The following PIP5K1B variants were observed in gnomAD, a reference collection of about 807,000 sequenced individuals.
PIP5K1B encodes the protein phosphatidylinositol-4-phosphate 5-kinase type 1 beta.
In PIP5K1B, 42 loss-of-function variants were observed where a neutral mutation model predicts 67.0. The ratio of observed to expected loss-of-function variants is 0.63; its 90% CI spans 0.49 to 0.81. PIP5K1B has a LOEUF of 0.81. Ranked by LOEUF, PIP5K1B falls within the 30% of genes least tolerant of loss-of-function variation. The pLI is 0.00. For missense variants in PIP5K1B, 459 were observed against 646.3 expected, an observed-to-expected ratio of 0.71 and a Z score of 3.14; for synonymous variants, 214 against 231.4, an observed-to-expected ratio of 0.92 and a Z score of 0.68.
chr9:68,789,107 T>C, intron 2 of PIP5K1B: 1 of 568,842 alleles, frequency 1.8e-6, no homozygotes, highest in Non-Finnish European at 3.4e-6. Context: ...CATCAATCTC[T>C]TCAATCACAT....
intron 4 of PIP5K1B, among the ~76,000 whole-genome samples, chr9:68,860,593 C>T (rs1036376005): frequency 4.6e-5 from 7 of 152,258 alleles, no homozygotes; most frequent in South Asian, 4.1e-4. Flanking sequence ...AGAGAACTTC[C>T]GACTTTGATT....
At chr9:68,960,312 G>T (rs906005146) in intron 14 of PIP5K1B, among the ~76,000 whole-genome samples, 3 of 152,258 alleles carry the variant, frequency 2.0e-5, no homozygotes, top group Middle Eastern at 6.8e-3. Flanking sequence ...AAAGTTTAAA[G>T]ATGTCTTTTT....
intron 4 of PIP5K1B, among the ~76,000 whole-genome samples, chr9:68,862,001 AAAG>A (rs1167783935): frequency 6.6e-6 from 1 of 152,146 alleles, no homozygotes; most frequent in East Asian, 1.9e-4. Context: ...GCATGTGAAA[AAAG>A]AAAAACACGA....
chr9:68,990,177 T>A (rs889907411), intron 14 of PIP5K1B, among the ~76,000 whole-genome samples: 1 of 152,156 alleles, frequency 6.6e-6, no homozygotes, highest in Non-Finnish European at 1.5e-5. Context: ...AACACAGTGC[T>A]CTGTGTTTAT....
chr9:68,784,051 T>C (rs1261404535), intron 2 of PIP5K1B: 1 of 167,146 alleles, frequency 6.0e-6, no homozygotes, highest in Non-Finnish European at 1.5e-5. Flanking sequence ...CTATTTTAGA[T>C]CCTTTTCCCC....
Position 68,738,934 on chromosome 9 carries a change from A to G in PIP5K1B, c.-242-3567A>G, listed in dbSNP as rs117168389. On this transcript the variant is annotated intron_variant, in intron 1 of 15. Transcript: ENST00000265382. ...TTTTTGGGCTCAGGCCCATGCCTCA[A>G]CATTTCTGGATGAGCCTATACCCTC... 1.0e-2 allele frequency among the ~76,000 whole-genome samples: 1,521 copies of G among 152,244 alleles called. 10 individuals carry two copies. Among genetic ancestry groups the G allele is most frequent in the Non-Finnish European group, 0.015 (1,051 of 68,008 alleles).
chr9:68,956,811 A>G (rs1828421634), intron 14 of PIP5K1B, among the ~76,000 whole-genome samples: 1 of 152,162 alleles, frequency 6.6e-6, no homozygotes, highest in South Asian at 2.1e-4. Flanking sequence ...AGCCACAAAG[A>G]GATGTGCAGA....
At chr9:68,852,923 T>C (rs965051467) in intron 4 of PIP5K1B, among the ~76,000 whole-genome samples, 2 of 150,520 alleles carry the variant, frequency 1.3e-5, no homozygotes, top group Non-Finnish European at 3.0e-5. Context: ...TGTTTTTTTT[T>C]ATAGGACTTG....
intron 1 of PIP5K1B, among the ~76,000 whole-genome samples, chr9:68,731,597 A>G (rs537112389): frequency 6.6e-6 from 1 of 152,324 alleles, no homozygotes. Context: ...CCTTGCTGTC[A>G]GGGAATTTGC....
intron 1 of PIP5K1B, chr9:68,739,965 TGAC>T (rs1410032728): frequency 1.3e-5 from 2 of 152,250 alleles, no homozygotes; most frequent in African/African-American, 4.8e-5. Context: ...ATTGTGGCTG[TGAC>T]CAGGTATAGA....
intron 5 of PIP5K1B, among the ~76,000 whole-genome samples, chr9:68,869,065 CAAACT>C (rs1231976711): frequency 6.6e-6 from 1 of 152,170 alleles, no homozygotes; most frequent in African/African-American, 2.4e-5. Context: ...ACAGGTTTGA[CAAACT>C]AGCCAACTGC....
At chr9:68,886,389 A>G (rs1008711812) in intron 6 of PIP5K1B, among the ~76,000 whole-genome samples, 1 of 152,184 alleles carries the variant, frequency 6.6e-6, no homozygotes, top group Non-Finnish European at 1.5e-5. Flanking sequence ...TTTTTTGGTG[A>G]CATTTACAGC....
intron 3 of PIP5K1B, among the ~76,000 whole-genome samples, chr9:68,821,815 A>G (rs1833744377): frequency 6.6e-6 from 1 of 152,192 alleles, no homozygotes; most frequent in Admixed American, 6.5e-5. Context: ...TGCCTCAACT[A>G]TCCTTCAATA....
At chr9:68,727,661 A>G (rs1165915648) in intron 1 of PIP5K1B, 5 of 152,198 alleles carry the variant, frequency 3.3e-5, no homozygotes, top group Non-Finnish European at 4.4e-5. Flanking sequence ...AGTGGATACT[A>G]TTATCACCAT....
At chr9:68,760,543 T>C (rs1344315112) in intron 2 of PIP5K1B, among the ~76,000 whole-genome samples, 1 of 152,070 alleles carries the variant, frequency 6.6e-6, no homozygotes, top group Non-Finnish European at 1.5e-5. Context: ...TGTTGGCCTA[T>C]CTAGTTGTTA....
chr9:68,883,249 GTCT>G lies in PIP5K1B; in HGVS notation c.319-5731_319-5729del, dbSNP rs536288388. The stretch of plus-strand genomic sequence containing the variant: ...AATCGCTCTTCCACAAGGACACTTT[GTCT>G]GCACACATGGCTGGGCAAGTGCTCT... On this transcript the variant is annotated intron_variant, in intron 6 of 15. Coordinates refer to ENST00000265382, the MANE Select transcript of PIP5K1B (RefSeq NM_003558.4). Among the ~76,000 whole-genome samples, 1,024 of 152,300 alleles carry G rather than the reference GTCT, an allele frequency of 6.7e-3. 7 individuals carry two copies. The highest frequency in any genetic ancestry group is 0.023 in the African/African-American group (973 of 41,574).
At chr9:68,763,189 G>A (rs1564115779) in intron 2 of PIP5K1B, among the ~76,000 whole-genome samples, 1 of 152,134 alleles carries the variant, frequency 6.6e-6, no homozygotes, top group Non-Finnish European at 1.5e-5. Context: ...AAAGTTGGAT[G>A]ATTTTCTGGG....
chr9:68,796,946 GC>G (rs1832327060), intron 2 of PIP5K1B, among the ~76,000 whole-genome samples: 1 of 152,128 alleles, frequency 6.6e-6, no homozygotes, highest in Non-Finnish European at 1.5e-5. Flanking sequence ...TCTATTTTAT[GC>G]ACCTAAAAAT....
At chr9:68,983,639 TAAC>T (rs1283289566) in intron 14 of PIP5K1B, among the ~76,000 whole-genome samples, 1 of 152,236 alleles carries the variant, frequency 6.6e-6, no homozygotes, top group Non-Finnish European at 1.5e-5. Flanking sequence ...GGATACTCAA[TAAC>T]TATTTGCAGC....
Sources: gnomAD v4.1 joint callset for allele counts (sites outside exome capture counted in the v4.1 genomes callset) on GRCh38, gnomAD v4.1.1 for gene constraint, MANE v1.5 for transcripts, NCBI Gene and HGNC (gene_info 2026-07-23, HGNC 2026-07-21) for gene names.